The following MED12 variants were observed in gnomAD, a reference collection of about 807,000 sequenced individuals.
The protein encoded by MED12 is mediator of RNA polymerase II transcription subunit 12.
MED12 carries 10 observed loss-of-function variants against 177.7 expected under a neutral mutation model. That is an observed-to-expected ratio of 0.06 (90% confidence interval 0.03 to 0.10). The LOEUF (loss-of-function observed/expected upper bound fraction) is 0.10, where lower values mean the gene tolerates loss of function less well. Among genes scored for constraint, MED12 ranks in the 10% least tolerant of loss-of-function variants. The pLI, the probability that MED12 is intolerant of heterozygous loss-of-function variation, is 1.00. For missense variants in MED12, 867 were observed against 1,780.8 expected (o/e 0.49, Z 9.23); for synonymous variants, 641 against 678.4 (o/e 0.94, Z 0.86).
rs2147838322 is a variant in MED12 at position 71,140,671 on chromosome X, A to G, written c.6081A>G (p.Ile2027Met). ...AGACACTGCAGCAGACACCCATGAT[A>G]AGTACCATGACTCCAATGAGTGCCC... Reference protein sequence around the residue: ...SHQTLQQTPMISTMTPMSAQG... With the variant: ...SHQTLQQTPMMSTMTPMSAQG... The change falls in exon 42 of 45, where the codon ATA becomes ATG. Residue 2027 changes from isoleucine to methionine, a missense_variant. Physicochemically the swap from Ile to Met is conservative, Grantham distance 10. This residue lies in a region of MED12 where 236 missense variants were observed against 345.2 expected (regional missense o/e 0.68). Coordinates refer to ENST00000374080, the MANE Select transcript of MED12 (RefSeq NM_005120.3). 2 of 1,210,618 alleles carry G rather than the reference A, an allele frequency of 1.7e-6. No individual in the cohort carries two copies. Among genetic ancestry groups the G allele is most frequent in the South Asian group, 1.8e-5 (1 of 56,897 alleles).
At position 71,137,326 on chromosome X, in the gene MED12, G is replaced by A. The variant is rs1475517211; in HGVS notation, c.5691G>A (p.Val1897=). Residue 1897 remains valine, a synonymous_variant, in exon 39 of 45, where the codon GTG becomes GTA. Transcript: ENST00000374080. ...AACCCTCCTCTTATAAGACCTCTGTGTACCGGCAGCAGCAACCTGCGGTGC... is the reference window on the plus strand; with the variant it reads ...AACCCTCCTCTTATAAGACCTCTGTATACCGGCAGCAGCAACCTGCGGTGC... ...GLEPSSYKTS[V]YRQQQPAVPQ... 2 of 1,211,682 alleles carry A rather than the reference G, an allele frequency of 1.7e-6. No homozygotes were observed. Among genetic ancestry groups the A allele is most frequent in the Middle Eastern group, 2.3e-4 (1 of 4,355 alleles).
intron 28 of MED12, among the ~76,000 whole-genome samples, chrX:71,131,151 G>A (rs372291743): frequency 4.6e-5 from 4 of 87,418 alleles, no homozygotes; most frequent in African/African-American, 1.5e-4. Flanking sequence ...TTTTTGAGAC[G>A]GAGTCTCGCT....
chrX:71,135,393 G>C, intron 36 of MED12, 140 bp downstream of exon 36: 1 of 682,280 alleles, frequency 1.5e-6, no homozygotes, highest in Non-Finnish European at 2.3e-6. Flanking sequence ...CATCTCTGGG[G>C]TTTTGAGCAA....
At chrX:71,120,409 A>G (rs1355798226) in intron 4 of MED12, among the ~76,000 whole-genome samples, 1 of 110,108 alleles carries the variant, frequency 9.1e-6, no homozygotes, top group Non-Finnish European at 1.9e-5. Context: ...CTGCTAAGGT[A>G]TATGTACAAA....
chrX:71,136,695 A>G, intron 37 of MED12, 40 bp downstream of exon 37: 1 of 1,202,706 alleles, frequency 8.3e-7, no homozygotes, highest in Non-Finnish European at 1.1e-6. Context: ...ACAGCCTCTC[A>G]CTTCATGACG....
chrX:71,120,597 G>A (rs2092286770), intron 4 of MED12, among the ~76,000 whole-genome samples: 1 of 104,219 alleles, frequency 9.6e-6, no homozygotes, highest in Non-Finnish European at 2.0e-5. Flanking sequence ...GTGGGGGTAA[G>A]GTATTCTAAG....
Position 71,132,359 on chromosome X carries a change from C to T in MED12, c.4254-18C>T, listed in dbSNP as rs759854429. 8.3e-7 allele frequency: 1 copy of T among 1,210,064 alleles called. No homozygotes were observed. Among genetic ancestry groups the T allele is most frequent in the Non-Finnish European group, 1.1e-6 (1 of 894,677 alleles). On this transcript the variant is annotated intron_variant, in intron 30 of 44. Coordinates refer to ENST00000374080, the MANE Select transcript of MED12 (RefSeq NM_005120.3). ...GCCTGGCTCCCCTGTGACCCTGTGTCCTCTGTCTGTTCTCCAGCTCTCTAG... is the reference window on the plus strand; with the variant it reads ...GCCTGGCTCCCCTGTGACCCTGTGTTCTCTGTCTGTTCTCCAGCTCTCTAG...
Position 71,121,801 on chromosome X carries a change from C to T in MED12, c.1086C>T (p.Leu362=). Reference sequence around the variant, plus strand: ...AGCACCGGCCCCTGGTTTTTGGCCTCAGCTGTATCCTACAGGTAGGTACTA... The same window carrying T: ...AGCACCGGCCCCTGGTTTTTGGCCTTAGCTGTATCCTACAGGTAGGTACTA... ...CPQHRPLVFG[L]SCILQTILLC... Residue 362 remains leucine, a synonymous_variant, in exon 7 of 45, where the codon CTC becomes CTT. Transcript: ENST00000374080. The T allele has an allele frequency of 8.3e-7, 1 of 1,211,960 alleles. No individual in the cohort carries two copies. Among genetic ancestry groups the T allele is most frequent in the Non-Finnish European group, 1.1e-6 (1 of 895,558 alleles).
Position 71,142,233 on chromosome X carries a change from C to G in MED12, c.*15C>G. ...GACGCTACTGAGCCACCTGGAGGAA[C>G]TGCTTGTGCACTGGATGTGGCCCCA... is the stretch of plus-strand genomic sequence containing the variant. On this transcript the variant is annotated 3_prime_UTR_variant, in exon 45 of 45. Coordinates refer to ENST00000374080, the MANE Select transcript of MED12 (RefSeq NM_005120.3). The G allele has an allele frequency of 8.3e-7, 1 of 1,207,408 alleles. No homozygotes were observed. The highest frequency in any genetic ancestry group is 1.1e-6 in the Non-Finnish European group (1 of 891,178).
rs1278481602 is a variant in MED12, at chrX:71,121,124, C to T, written c.707C>T (p.Thr236Ile). The T allele has an allele frequency of 8.3e-7, 1 of 1,208,843 alleles. No homozygotes were observed. Among genetic ancestry groups the T allele is most frequent in the Non-Finnish European group, 1.1e-6 (1 of 894,912 alleles). ...GTGGCAATCCGGCAGTGGGATTACA[C>T]CGAGAAGCTGGCCATGTTCATGTTT... ...VEVAIRQWDY[T>I]EKLAMFMFQD... Residue 236 changes from threonine to isoleucine, a missense_variant, in exon 5 of 45, where the codon ACC becomes ATC. Transcript: ENST00000374080.
rs2092312775 is a variant in MED12 at position 71,129,965 on chromosome X, T to C, written c.3868-70T>C. 4 of 1,175,449 alleles carry C rather than the reference T, an allele frequency of 3.4e-6. No homozygotes were observed. In the Admixed American group the frequency reaches 9.3e-5, roughly 27 times the overall value. On this transcript the variant is annotated intron_variant, in intron 27 of 44. Coordinates refer to ENST00000374080, the MANE Select transcript of MED12 (RefSeq NM_005120.3). Reference sequence around the variant, plus strand: ...ACTATACATTGTGTTCCTTAACAACTCCAGCCCATCCCCCATATTCCTAAC... The same window carrying C: ...ACTATACATTGTGTTCCTTAACAACCCCAGCCCATCCCCCATATTCCTAAC...
rs745330930 is a variant in MED12, at chrX:71,134,499, A to T, written c.4727+33A>T. On this transcript the variant is annotated intron_variant, in intron 34 of 44. Coordinates refer to ENST00000374080, the MANE Select transcript of MED12 (RefSeq NM_005120.3). ...ATCCCCACCCGCTCCCTGCAGTTTC[A>T]TACCCAAGAAGCTCCCCCTACTCCC... The T allele has an allele frequency of 3.0e-6, 3 of 984,668 alleles. No individual in the cohort carries two copies. In the African/African-American group the frequency reaches 5.8e-5, roughly 19 times the overall value. The allele number at this position is 984,668 out of a possible 1,213,427, so 81.1% of individuals were successfully genotyped here.
intron 28 of MED12, 80 bp downstream of exon 28, chrX:71,130,294 G>A (rs1361783650): frequency 1.0e-6 from 1 of 994,936 alleles, no homozygotes; most frequent in Non-Finnish European, 1.4e-6. Context: ...GAGAAAAGGA[G>A]AGGGGCAGTT....
intron 11 of MED12, 26 bp downstream of exon 11, chrX:71,123,252 A>G (rs755555362): frequency 8.3e-7 from 1 of 1,210,078 alleles, no homozygotes; most frequent in South Asian, 1.8e-5. Context: ...TAAGAGAACA[A>G]GATTGGCCAA....
chrX:71,128,472 G>C, intron 23 of MED12, 32 bp downstream of exon 23: 1 of 1,210,499 alleles, frequency 8.3e-7, no homozygotes, highest in Non-Finnish European at 1.1e-6. Flanking sequence ...TGCTAGTGGG[G>C]CAGTGACCAG....
intron 26 of MED12, 121 bp from the exon 27 acceptor site, chrX:71,129,559 A>G (rs2092311639): frequency 1.0e-6 from 1 of 993,736 alleles, no homozygotes; most frequent in Admixed American, 2.6e-5. Context: ...GAGGGAGAGA[A>G]GTATATTTCT....
At chrX:71,132,763 C>G in intron 31 of MED12, 82 bp from the exon 32 acceptor site, 4 of 803,558 alleles carry the variant, frequency 5.0e-6, no homozygotes. Flanking sequence ...CTCTCCTCTT[C>G]TCTCCTCTTC....
At position 71,132,212 on chromosome X, in the gene MED12, A is replaced by G; in HGVS notation, c.4253+6A>G. On this transcript the variant is annotated splice_donor_region_variant and intron_variant, in intron 30 of 44. Coordinates refer to ENST00000374080, the MANE Select transcript of MED12 (RefSeq NM_005120.3). ...AAGACCAAGCCTGTGCTCAGGTCGG[A>G]TAGAAACATGTTAGGACCCATCCCC... The G allele has an allele frequency of 3.3e-6, 4 of 1,210,264 alleles. No homozygotes were observed. The highest frequency in any genetic ancestry group is 4.5e-6 in the Non-Finnish European group (4 of 894,301).
At chrX:71,141,844 A>G (rs1269988459) in intron 43 of MED12, 39 bp from the exon 44 acceptor site, 5 of 1,162,286 alleles carry the variant, frequency 4.3e-6, no homozygotes, top group South Asian at 3.6e-5. Context: ...AGAAGGAGAA[A>G]AGTTCGACTT....
Sources: allele counts gnomAD v4.1 joint callset (sites outside exome capture counted in the v4.1 genomes callset), GRCh38; gene constraint gnomAD v4.1.1; regional missense constraint gnomAD v4.1.1; transcripts MANE v1.5; gene names NCBI Gene and HGNC (gene_info 2026-07-23, HGNC 2026-07-21).